Variants in SP100 observed in about 807,000 individuals in gnomAD.
SP100 encodes SP100 nuclear body protein, also known as nuclear autoantigen Sp-100.
A neutral mutation model predicts 130.0 loss-of-function variants in SP100; 84 were observed. That is an observed-to-expected ratio of 0.65 (90% CI 0.54 to 0.77). The LOEUF is 0.77. Ranked by LOEUF, SP100 falls within the 30% of genes least tolerant of loss-of-function variation. The pLI is 0.00. For synonymous variants in SP100, 331 were observed against 351.7 expected, an observed-to-expected ratio of 0.94 and a Z score of 0.66; for missense variants, 978 against 1,052.2, an observed-to-expected ratio of 0.93 and a Z score of 0.97.
chr2:230,426,377 C>G (rs1010292238), intron 2 of SP100, among the ~76,000 whole-genome samples: 4 of 152,142 alleles, frequency 2.6e-5, no homozygotes, highest in African/African-American at 9.7e-5. Flanking sequence ...TAGCTATAAA[C>G]TTGCCTCTTA....
intron 17 of SP100, among the ~76,000 whole-genome samples, chr2:230,478,142 G>C (rs2065660709): frequency 6.6e-6 from 1 of 151,904 alleles, no homozygotes; most frequent in East Asian, 1.9e-4. Flanking sequence ...ATAACTGGAG[G>C]GAATTTAAAT....
At chr2:230,485,405 G>A (rs902248774) in intron 17 of SP100, among the ~76,000 whole-genome samples, 2 of 152,122 alleles carry the variant, frequency 1.3e-5, no homozygotes, top group African/African-American at 4.8e-5. Flanking sequence ...TGGGGAAAAT[G>A]TGTATACTCT....
At chr2:230,462,638 C>T (rs1394347696) in intron 10 of SP100, 120 bp downstream of exon 10, 18 of 743,974 alleles carry the variant, frequency 2.4e-5, no homozygotes, top group Non-Finnish European at 4.0e-5. Context: ...TCCTGGGATC[C>T]CATTCTTTGC....
At chr2:230,477,276 TTTG>T (rs1171789082) in intron 17 of SP100, among the ~76,000 whole-genome samples, 1 of 152,124 alleles carries the variant, frequency 6.6e-6, no homozygotes, top group African/African-American at 2.4e-5. Flanking sequence ...ATTTTGTCCA[TTTG>T]TTGTTTTTCT....
intron 19 of SP100, among the ~76,000 whole-genome samples, chr2:230,499,296 G>A (rs2066873517): frequency 6.6e-6 from 1 of 151,128 alleles, no homozygotes; most frequent in Admixed American, 6.6e-5. Flanking sequence ...CTGATGAGCT[G>A]TTCTTTCAGC....
intron 2 of SP100, among the ~76,000 whole-genome samples, chr2:230,427,289 G>A (rs1034563681): frequency 6.6e-6 from 1 of 151,988 alleles, no homozygotes; most frequent in African/African-American, 2.4e-5. Context: ...AGCCTCCCGA[G>A]TAGCTGGGAT....
chr2:230,469,002 T>C (rs2065125391), intron 13 of SP100, 41 bp from the exon 14 acceptor site: 1 of 1,233,860 alleles, frequency 8.1e-7, no homozygotes, highest in South Asian at 1.3e-5. Flanking sequence ...TATAGATCTT[T>C]TAGTTAGATA....
chr2:230,538,460 G>A (rs1272559974), intron 24 of SP100: 6 of 152,144 alleles, frequency 3.9e-5, no homozygotes, highest in African/African-American at 7.2e-5. Flanking sequence ...GGAAGCTCAG[G>A]CACCCCCCTT....
intron 24 of SP100, among the ~76,000 whole-genome samples, chr2:230,518,023 A>T (rs1487824583): frequency 6.6e-6 from 1 of 152,106 alleles, no homozygotes; most frequent in Non-Finnish European, 1.5e-5. Flanking sequence ...CCTTATTATG[A>T]CTTAGACTGT....
chr2:230,479,755 A>G (rs2065747260), intron 17 of SP100, among the ~76,000 whole-genome samples: 1 of 152,242 alleles, frequency 6.6e-6, no homozygotes, highest in Non-Finnish European at 1.5e-5. Context: ...GGCCAAGCCC[A>G]TGCTCACAGT....
chr2:230,481,451 ACTCT>A (rs1194234533), intron 17 of SP100, among the ~76,000 whole-genome samples: 6 of 151,696 alleles, frequency 4.0e-5, no homozygotes, highest in South Asian at 2.1e-4. Flanking sequence ...AACCCCTCGC[ACTCT>A]CTCTATCATC....
At chr2:230,526,077 G>A (rs1691411832) in intron 24 of SP100, among the ~76,000 whole-genome samples, 2 of 152,188 alleles carry the variant, frequency 1.3e-5, no homozygotes. Context: ...GGCATTTGAA[G>A]CCTGAGAATG....
In SP100 at chr2:230,504,264, C is replaced by G. The variant is rs1431059190; in HGVS notation, c.1844C>G (p.Thr615Ser). ...GTGACCTGTGGTGAGGTGAAGGGCA[C>G]TCTATATAAGGAGCGATTCAAACAA... ...LPVTCGEVKGTLYKERFKQGT... is the reference protein window; with the variant it reads ...LPVTCGEVKGSLYKERFKQGT... The change falls in exon 21 of 29, where the codon ACT becomes AGT. Residue 615 changes from threonine to serine, a missense_variant. By Grantham distance (58) the Thr-to-Ser change is moderately conservative. Coordinates refer to ENST00000340126, the MANE Select transcript of SP100 (RefSeq NM_001080391.2). 8.1e-6 allele frequency: 13 copies of G among 1,607,676 alleles called. No homozygotes were observed. The highest frequency in any genetic ancestry group is 1.1e-5 in the Non-Finnish European group (13 of 1,174,596).
At chr2:230,484,173 A>G (rs1463560) in intron 17 of SP100, among the ~76,000 whole-genome samples, 10,006 of 152,278 alleles carry the variant, frequency 0.066, 388 homozygotes, top group Middle Eastern at 0.11. Flanking sequence ...AATAGACCAC[A>G]AACGGACTCT....
intron 15 of SP100, among the ~76,000 whole-genome samples, chr2:230,472,873 A>G (rs1031391267): frequency 2.6e-5 from 4 of 152,184 alleles, no homozygotes; most frequent in Non-Finnish European, 5.9e-5. Context: ...CTGTGATTTC[A>G]GTCACCACCC....
At chr2:230,507,661 A>C (rs1481242377) in intron 22 of SP100, among the ~76,000 whole-genome samples, 1 of 152,188 alleles carries the variant, frequency 6.6e-6, no homozygotes, top group Non-Finnish European at 1.5e-5. Context: ...AGGTCTAAAA[A>C]GATGAACAAC....
At position 230,446,261 on chromosome 2, in the gene SP100, A is replaced by C. The variant is rs138275562; in HGVS notation, c.440-558A>C. On this transcript the variant is annotated intron_variant, in intron 4 of 28. Transcript: ENST00000340126. Reference sequence around the variant, plus strand: ...GTAGCTGGGACCATAGGTGTGCAACACCACATCCAGCTAATTTTATTTTTC... The same window carrying C: ...GTAGCTGGGACCATAGGTGTGCAACCCCACATCCAGCTAATTTTATTTTTC... 2.6e-3 allele frequency among the ~76,000 whole-genome samples: 399 copies of C among 152,246 alleles called. 4 individuals are homozygous for C. The highest frequency in any genetic ancestry group is 9.0e-3 in the African/African-American group (375 of 41,526).
chr2:230,497,041 G>T (rs1290710778), intron 18 of SP100, among the ~76,000 whole-genome samples: 2 of 152,084 alleles, frequency 1.3e-5, no homozygotes, highest in Non-Finnish European at 2.9e-5. Context: ...TCTATAACAT[G>T]GTGTTAACCT....
chr2:230,470,015 G>C lies in SP100; in HGVS notation c.1346G>C (p.Arg449Pro). The C allele has an allele frequency of 6.2e-7, 1 of 1,611,176 alleles. No homozygotes were observed. The highest frequency in any genetic ancestry group is 2.2e-5 in the East Asian group (1 of 44,826). Residue 449 changes from arginine to proline, a missense_variant and splice_region_variant, in exon 15 of 29, where the codon CGT (arginine) becomes CCT (proline). Coordinates refer to ENST00000340126, the MANE Select transcript of SP100 (RefSeq NM_001080391.2). ...STWRIPSRKR[R>P]FSSSDFSDLS... is the part of the protein sequence containing the mutation. ...TAAGGAATTTTATTTTTTTCTGCAG[G>C]TTTCAGCAGTAGTGACTTTTCAGAC...
Sources: gnomAD v4.1 joint callset for allele counts (sites outside exome capture counted in the v4.1 genomes callset) on GRCh38, gnomAD v4.1.1 for gene constraint, MANE v1.5 for transcripts, NCBI Gene and HGNC (gene_info 2026-07-23, HGNC 2026-07-21) for gene names.